SHISA9: variants seen among roughly 807,000 people sequenced by gnomAD.
SHISA9 encodes protein shisa-9.
In SHISA9, 13 loss-of-function variants were observed where a neutral mutation model predicts 38.0. That is an observed-to-expected ratio of 0.34 (90% CI 0.22 to 0.54). The LOEUF is 0.54. Ranked by LOEUF, SHISA9 falls within the 20% of genes least tolerant of loss-of-function variation. SHISA9 has a pLI of 0.91. For synonymous variants in SHISA9, 275 were observed against 242.0 expected, an observed-to-expected ratio of 1.14 and a Z score of -1.27; for missense variants, 538 against 575.8, an observed-to-expected ratio of 0.93 and a Z score of 0.67.
chr16:13,553,632 T>C, the SHISA9 span, among the ~76,000 whole-genome samples: 5 of 151,960 alleles, frequency 3.3e-5, no homozygotes, highest in Admixed American at 1.3e-4. Context: ...TCCTGGCTTG[T>C]GAGCCAGGCA....
intron 2 of SHISA9, among the ~76,000 whole-genome samples, chr16:12,968,605 A>G (rs951942829): frequency 2.0e-5 from 3 of 152,236 alleles, no homozygotes; most frequent in African/African-American, 4.8e-5. Flanking sequence ...CTACAACTGT[A>G]TGTGTGAACC....
At chr16:13,176,435 C>G (rs2050732209) in intron 2 of SHISA9, among the ~76,000 whole-genome samples, 1 of 152,218 alleles carries the variant, frequency 6.6e-6, no homozygotes, top group Admixed American at 6.5e-5. Flanking sequence ...CAAAGTCTTT[C>G]CAGGTCTCAC....
At chr16:13,056,844 C>G (rs115216004) in intron 2 of SHISA9, among the ~76,000 whole-genome samples, 1,883 of 152,284 alleles carry the variant, frequency 0.012, 47 homozygotes, top group African/African-American at 0.043. Context: ...ATTCATGCCA[C>G]GAAGCGTTCA....
In SHISA9 at chr16:13,024,946, T is replaced by C. The variant is rs555410806; in HGVS notation, c.691+108131T>C. Among the ~76,000 whole-genome samples the C allele has an allele frequency of 2.0e-5, 3 of 152,292 alleles. 1 individual carries two copies. The South Asian group carries it at 6.2e-4, about 32-fold the overall frequency. ...CAAATGCAAGTGTGAACCTTGCTGC[T>C]AGTGCAAGGGGCAGATATTGGGGAA... is the stretch of plus-strand genomic sequence containing the variant. On this transcript the variant is annotated intron_variant, in intron 2 of 4. Coordinates refer to ENST00000558583, the MANE Select transcript of SHISA9 (RefSeq NM_001145204.3).
In SHISA9 at chr16:13,049,928, C is replaced by T. The variant is rs528495652; in HGVS notation, c.691+133113C>T. Among the ~76,000 whole-genome samples the T allele has an allele frequency of 3.3e-5, 5 of 152,082 alleles. No individual in the cohort carries two copies. The East Asian group carries it at 5.8e-4, about 18-fold the overall frequency. On this transcript the variant is annotated intron_variant, in intron 2 of 4. Coordinates refer to ENST00000558583, the MANE Select transcript of SHISA9 (RefSeq NM_001145204.3). Reference sequence around the variant, plus strand: ...TTTTCCGTTTGTTTTGTCATTTGCCCCATATTTGTCCTTGTAAGTCTTCAA... The same window carrying T: ...TTTTCCGTTTGTTTTGTCATTTGCCTCATATTTGTCCTTGTAAGTCTTCAA...
the SHISA9 span, among the ~76,000 whole-genome samples, chr16:13,327,960 AG>A: frequency 1.3e-5 from 2 of 152,144 alleles, no homozygotes; most frequent in Non-Finnish European, 2.9e-5. Flanking sequence ...TGCCCCGCCA[AG>A]GTTGTACTTT....
intron 2 of SHISA9, among the ~76,000 whole-genome samples, chr16:13,196,246 A>G (rs2050939443): frequency 6.7e-6 from 1 of 150,088 alleles, no homozygotes; most frequent in Non-Finnish European, 1.5e-5. Context: ...AAATACAAAA[A>G]ATTAGCTGGG....
intron 2 of SHISA9, among the ~76,000 whole-genome samples, chr16:12,991,631 C>T (rs796226859): frequency 2.2e-4 from 33 of 152,236 alleles, no homozygotes; most frequent in African/African-American, 6.3e-4. Context: ...ACTCAATTAA[C>T]GTCACTCTGT....
chr16:13,501,557 G>A, the SHISA9 span, among the ~76,000 whole-genome samples: 1 of 152,158 alleles, frequency 6.6e-6, no homozygotes, highest in Non-Finnish European at 1.5e-5. Context: ...TTCTCCATTT[G>A]TAATTACATA....
chr16:13,294,624 G>T, the SHISA9 span, among the ~76,000 whole-genome samples: 55 of 152,190 alleles, frequency 3.6e-4, no homozygotes, highest in Admixed American at 3.6e-3. Context: ...CCGGTGCCAG[G>T]ATATTTGCAG....
chr16:13,533,727 C>T, the SHISA9 span, among the ~76,000 whole-genome samples: 2 of 152,104 alleles, frequency 1.3e-5, no homozygotes, highest in East Asian at 1.9e-4. Flanking sequence ...CATCAATTTC[C>T]CCCTCTTTGT....
the SHISA9 span, among the ~76,000 whole-genome samples, chr16:13,538,431 A>G: frequency 6.6e-6 from 1 of 152,240 alleles, no homozygotes; most frequent in Non-Finnish European, 1.5e-5. Flanking sequence ...CTTCAAAGCC[A>G]TTTCATAAAT....
At chr16:13,507,799 C>G in the SHISA9 span, among the ~76,000 whole-genome samples, 2 of 152,178 alleles carry the variant, frequency 1.3e-5, no homozygotes, top group Non-Finnish European at 2.9e-5. Flanking sequence ...CAAGATTGTG[C>G]TCGTTTGCTT....
At chr16:13,452,048 C>G in the SHISA9 span, among the ~76,000 whole-genome samples, 1 of 152,186 alleles carries the variant, frequency 6.6e-6, no homozygotes, top group Non-Finnish European at 1.5e-5. Flanking sequence ...TCCCCAATAC[C>G]TCTAATTCTG....
intron 2 of SHISA9, among the ~76,000 whole-genome samples, chr16:13,101,306 C>A (rs1351070578): frequency 6.6e-6 from 1 of 152,198 alleles, no homozygotes; most frequent in Non-Finnish European, 1.5e-5. Flanking sequence ...TGTAAGATGA[C>A]AGATGTGTTA....
At chr16:13,016,585 G>GT (rs1229069251) in intron 2 of SHISA9, among the ~76,000 whole-genome samples, 7 of 152,026 alleles carry the variant, frequency 4.6e-5, no homozygotes, top group African/African-American at 1.7e-4. Flanking sequence ...TGTTGTTGTT[G>GT]TTTTTTGCTG....
At chr16:13,281,968 G>T in the SHISA9 span, among the ~76,000 whole-genome samples, 1 of 151,564 alleles carries the variant, frequency 6.6e-6, no homozygotes, top group Non-Finnish European at 1.5e-5. Flanking sequence ...ATTTTACAAT[G>T]TTATTATTTT....
At chr16:13,457,746 C>T in the SHISA9 span, among the ~76,000 whole-genome samples, 1 of 151,874 alleles carries the variant, frequency 6.6e-6, no homozygotes, top group Admixed American at 6.6e-5. Context: ...CTTTCTGTTG[C>T]CACCCTTTAT....
At chr16:12,978,510 G>A (rs977550168) in intron 2 of SHISA9, among the ~76,000 whole-genome samples, 1 of 152,178 alleles carries the variant, frequency 6.6e-6, no homozygotes, top group Non-Finnish European at 1.5e-5. Context: ...AAACTGCAGA[G>A]CAACTGCCAG....
Sources: allele counts gnomAD v4.1 joint callset (sites outside exome capture counted in the v4.1 genomes callset), GRCh38; gene constraint gnomAD v4.1.1; transcripts MANE v1.5; gene names NCBI Gene and HGNC (gene_info 2026-07-23, HGNC 2026-07-21).